Variants in TMEM117 observed in about 807,000 individuals in gnomAD.
TMEM117 encodes the protein transmembrane protein 117.
TMEM117 carries 27 observed loss-of-function variants against 52.4 expected under a neutral mutation model. That is an observed-to-expected ratio of 0.51 (90% CI 0.38 to 0.71). The LOEUF is 0.71. Among genes scored for constraint, TMEM117 ranks in the 30% least tolerant of loss-of-function variants. The pLI is 0.00. For synonymous variants in TMEM117, 215 were observed against 206.3 expected, an observed-to-expected ratio of 1.04 and a Z score of -0.36; for missense variants, 556 against 630.5, an observed-to-expected ratio of 0.88 and a Z score of 1.26.
intron 3 of TMEM117, among the ~76,000 whole-genome samples, chr12:43,970,803 T>C (rs908757093): frequency 6.6e-6 from 1 of 152,178 alleles, no homozygotes; most frequent in African/African-American, 2.4e-5. Context: ...TAATCTTGTT[T>C]TCTTACTCTA....
intron 6 of TMEM117, among the ~76,000 whole-genome samples, chr12:44,369,222 G>T (rs193071262): frequency 1.7e-4 from 26 of 152,242 alleles, no homozygotes; most frequent in Admixed American, 7.9e-4. Context: ...ACATCAGTCT[G>T]CCAGGGCAAG....
Position 44,097,756 on chromosome 12 carries a change from C to T in TMEM117, c.411-45769C>T, listed in dbSNP as rs1213003785. ...GGGAGGGATAGCATTAGGAGATATA[C>T]CTAAATGACGAGTTAATGGGTGCAA... On this transcript the variant is annotated intron_variant, in intron 3 of 7. Transcript: ENST00000266534. 2.2e-5 allele frequency among the ~76,000 whole-genome samples: 3 copies of T among 134,110 alleles called. 1 individual carries two copies. The highest frequency in any genetic ancestry group is 4.6e-5 in the Non-Finnish European group (3 of 65,302). 88.0% of individuals were successfully genotyped at this position (134,110 alleles called of 152,430 possible).
chr12:44,097,891 T>C (rs1947798300), intron 3 of TMEM117, among the ~76,000 whole-genome samples: 1 of 151,336 alleles, frequency 6.6e-6, no homozygotes, highest in Non-Finnish European at 1.5e-5. Flanking sequence ...AAAAATACAG[T>C]AATCTGGAAT....
At chr12:44,345,050 GGAA>G (rs887289109) in intron 6 of TMEM117, among the ~76,000 whole-genome samples, 2 of 151,954 alleles carry the variant, frequency 1.3e-5, no homozygotes, top group African/African-American at 4.8e-5. Context: ...CTGGGGACTG[GGAA>G]GAAGAATGAG....
intron 6 of TMEM117, among the ~76,000 whole-genome samples, chr12:44,364,229 T>A (rs1334741831): frequency 6.6e-6 from 1 of 152,162 alleles, no homozygotes; most frequent in Non-Finnish European, 1.5e-5. Flanking sequence ...TTCCATATAG[T>A]CTCTCTGTGC....
chr12:44,201,708 A>G (rs1949498077), intron 4 of TMEM117, among the ~76,000 whole-genome samples: 1 of 152,210 alleles, frequency 6.6e-6, no homozygotes, highest in Admixed American at 6.5e-5. Context: ...ATGTGACCCA[A>G]TAATTTTAAA....
chr12:44,000,290 G>A lies in TMEM117; in HGVS notation c.410+55948G>A, dbSNP rs369304306. Among the ~76,000 whole-genome samples, 152 of 152,304 alleles carry A rather than the reference G, an allele frequency of 1.0e-3. No individual in the cohort carries two copies. In the South Asian group the frequency reaches 0.011, roughly 11 times the overall value. On this transcript the variant is annotated intron_variant, in intron 3 of 7. Transcript: ENST00000266534. ...TCTCTTGGATAGGTCTGGGGAAGAAGTATGTATGGAACTGAGGATTTGAAA... is the reference window on the plus strand; with the variant it reads ...TCTCTTGGATAGGTCTGGGGAAGAAATATGTATGGAACTGAGGATTTGAAA...
chr12:44,353,823 A>G (rs975980554), intron 6 of TMEM117, among the ~76,000 whole-genome samples: 1 of 151,966 alleles, frequency 6.6e-6, no homozygotes, highest in Admixed American at 6.6e-5. Context: ...GTTTTTTCCA[A>G]CTCTGTGAAG....
At chr12:44,093,874 A>G (rs542506922) in intron 3 of TMEM117, among the ~76,000 whole-genome samples, 1 of 152,170 alleles carries the variant, frequency 6.6e-6, no homozygotes, top group South Asian at 2.1e-4. Flanking sequence ...TTAAAGAAAT[A>G]TGAACTGGTT....
intron 5 of TMEM117, among the ~76,000 whole-genome samples, chr12:44,264,643 G>A (rs1950355968): frequency 6.6e-6 from 1 of 152,080 alleles, no homozygotes; most frequent in African/African-American, 2.4e-5. Context: ...ATGTATGTCA[G>A]AAGGATGAAA....
At position 43,986,162 on chromosome 12, in the gene TMEM117, GA is replaced by G. The variant is rs559649497; in HGVS notation, c.410+41822del. Among the ~76,000 whole-genome samples the G allele has an allele frequency of 5.1e-3, 780 of 152,134 alleles. 5 individuals carry two copies. The highest frequency in any genetic ancestry group is 0.018 in the African/African-American group (730 of 41,508). On this transcript the variant is annotated intron_variant, in intron 3 of 7. Coordinates refer to ENST00000266534, the MANE Select transcript of TMEM117 (RefSeq NM_032256.3). ...TCTGTTCAGTTGTCTTAACAAAGAT[GA>G]ATGTGTTTTAATTAATTTTTTTGTG...
intron 5 of TMEM117, among the ~76,000 whole-genome samples, chr12:44,236,436 A>G (rs1323111107): frequency 1.3e-5 from 2 of 151,978 alleles, no homozygotes; most frequent in African/African-American, 4.8e-5. Context: ...TTTTACTTCT[A>G]GAATTTCTAT....
intron 6 of TMEM117, among the ~76,000 whole-genome samples, chr12:44,358,098 C>A (rs531945642): frequency 1.1e-3 from 162 of 152,214 alleles, no homozygotes; most frequent in Non-Finnish European, 1.1e-3. Context: ...CATGTTGTCA[C>A]TTATAAGTGG....
intron 3 of TMEM117, among the ~76,000 whole-genome samples, chr12:44,084,761 T>C (rs973625233): frequency 3.3e-5 from 5 of 152,184 alleles, no homozygotes; most frequent in African/African-American, 7.2e-5. Context: ...ACAATGACCA[T>C]ATGGATTCTC....
intron 4 of TMEM117, among the ~76,000 whole-genome samples, chr12:44,165,768 A>G (rs763388769): frequency 3.9e-5 from 6 of 152,204 alleles, no homozygotes; most frequent in Non-Finnish European, 4.4e-5. Flanking sequence ...CTTCAATACA[A>G]TAACAGTTGG....
chr12:44,242,673 A>G (rs921923240), intron 5 of TMEM117, among the ~76,000 whole-genome samples: 4 of 135,768 alleles, frequency 2.9e-5, no homozygotes, highest in African/African-American at 1.1e-4. Context: ...CTATATGTAT[A>G]GATATCCATA....
rs548662688 is a variant in TMEM117, at chr12:44,239,046, A to G, written c.608+27659A>G. 5.5e-4 allele frequency among the ~76,000 whole-genome samples: 83 copies of G among 152,096 alleles called. 1 individual carries two copies. The highest frequency in any genetic ancestry group is 8.7e-4 in the Non-Finnish European group (59 of 68,018). On this transcript the variant is annotated intron_variant, in intron 5 of 7. Transcript: ENST00000266534. ...TATCTGCATTAATATAGGTTTCTCC[A>G]TTTTTCAATCCCAGTGTAGGGTTTT... is the stretch of plus-strand genomic sequence containing the variant.
intron 6 of TMEM117, among the ~76,000 whole-genome samples, chr12:44,316,913 C>G (rs1951061602): frequency 6.6e-6 from 1 of 151,488 alleles, no homozygotes; most frequent in Non-Finnish European, 1.5e-5. Context: ...TTGAATTTTT[C>G]AATCCTGGAA....
At chr12:44,152,934 A>G (rs1258153131) in intron 4 of TMEM117, among the ~76,000 whole-genome samples, 1 of 149,522 alleles carries the variant, frequency 6.7e-6, no homozygotes, top group Non-Finnish European at 1.5e-5. Context: ...ATATTTATAT[A>G]TACTTAAGAA....
Sources: gnomAD v4.1 joint callset for allele counts (sites outside exome capture counted in the v4.1 genomes callset) on GRCh38, gnomAD v4.1.1 for gene constraint, MANE v1.5 for transcripts, NCBI Gene and HGNC (gene_info 2026-07-23, HGNC 2026-07-21) for gene names.